The following UBE2G2 variants were observed in gnomAD, a reference collection of about 807,000 sequenced individuals.
UBE2G2 encodes ubiquitin-conjugating enzyme E2 G2.
UBE2G2 carries 10 observed loss-of-function variants against 23.0 expected under a neutral mutation model. The ratio of observed to expected loss-of-function variants is 0.43; its 90% CI spans 0.27 to 0.74. The LOEUF (loss-of-function observed/expected upper bound fraction) is 0.74. Among genes scored for constraint, UBE2G2 ranks in the 30% least tolerant of loss-of-function variants. The pLI, the probability that UBE2G2 is intolerant of heterozygous loss-of-function variation, is 0.19. For synonymous variants in UBE2G2, 86 were observed against 81.3 expected (o/e 1.06, Z -0.31); for missense variants, 150 against 218.3 (o/e 0.69, Z 1.97).
At chr21:44,781,522 G>A (rs1569296136) in intron 3 of UBE2G2, among the ~76,000 whole-genome samples, 1 of 152,224 alleles carries the variant, frequency 6.6e-6, no homozygotes, top group African/African-American at 2.4e-5. Context: ...GGTTGTGCTT[G>A]TGGCTGTGCC....
Position 44,801,784 on chromosome 21 carries a change from A to C in UBE2G2, c.-36T>G. 1.3e-6 allele frequency: 2 copies of C among 1,505,820 alleles called. No individual in the cohort carries two copies. The highest frequency in any genetic ancestry group is 1.8e-6 in the Non-Finnish European group (2 of 1,130,808). 93.3% of individuals were successfully genotyped at this position (1,505,820 alleles called of 1,614,324 possible). A position where few individuals can be genotyped will look rare whatever the true frequency, so the allele number is the denominator to read the frequency against. On this transcript the variant is annotated 5_prime_UTR_variant, in exon 1 of 6. Coordinates refer to ENST00000345496, the MANE Select transcript of UBE2G2 (RefSeq NM_003343.6). Reference sequence around the variant, plus strand: ...CAGCTGCGCCGAGCGACCTCGCCTCAGCCGCGCGCGTGCCTCCTGCCCCGA... The same window carrying C: ...CAGCTGCGCCGAGCGACCTCGCCTCCGCCGCGCGCGTGCCTCCTGCCCCGA...
At chr21:44,776,613 CAT>C (rs782548691) in intron 4 of UBE2G2, among the ~76,000 whole-genome samples, 14 of 152,312 alleles carry the variant, frequency 9.2e-5, no homozygotes, top group South Asian at 6.2e-4. Context: ...ATAATTCCCA[CAT>C]GTCATGGGAG....
rs181130722 is a variant in UBE2G2, at chr21:44,781,230, G to A, written c.126-3813C>T. 2.7e-3 allele frequency among the ~76,000 whole-genome samples: 411 copies of A among 152,330 alleles called. 1 individual carries two copies. The highest frequency in any genetic ancestry group is 9.4e-3 in the African/African-American group (389 of 41,566). ...GCCAGCTGAGCTGGAGACGGGAAGG[G>A]CAAACTGCTTCATGGGCACCCTCCA... is the stretch of plus-strand genomic sequence containing the variant. On this transcript the variant is annotated intron_variant, in intron 3 of 5. Coordinates refer to ENST00000345496, the MANE Select transcript of UBE2G2 (RefSeq NM_003343.6).
intron 4 of UBE2G2, 151 bp downstream of exon 4, chr21:44,777,148 C>A (rs1379249421): frequency 1.5e-6 from 1 of 669,902 alleles, no homozygotes; most frequent in African/African-American, 1.8e-5. Context: ...CTTAATACCA[C>A]CATGCTTACT....
At position 44,771,565 on chromosome 21, in the gene UBE2G2, T is replaced by C; in HGVS notation, c.386-76A>G. The C allele has an allele frequency of 1.1e-5, 16 of 1,446,924 alleles. No individual in the cohort carries two copies. The highest frequency in any genetic ancestry group is 1.5e-5 in the Non-Finnish European group (16 of 1,042,134). The allele number at this position is 1,446,924 out of a possible 1,614,324, so 89.6% of individuals were successfully genotyped here. A position where few individuals can be genotyped will look rare whatever the true frequency, so the allele number is the denominator to read the frequency against. ...CAGCCTGGCAAGGTCTCCCATTTAT[T>C]TAAAACACTGGCGGGGGCTTTCAAG... On this transcript the variant is annotated intron_variant, in intron 5 of 5. Transcript: ENST00000345496. The surrounding 1 kb of genome is among the most constrained non-coding windows in gnomAD (Gnocchi z 4.6).
intron 1 of UBE2G2, among the ~76,000 whole-genome samples, chr21:44,792,835 A>G (rs1198875780): frequency 6.6e-6 from 1 of 152,234 alleles, no homozygotes; most frequent in Non-Finnish European, 1.5e-5. Context: ...GTGTGCTGAC[A>G]CCCAGCAGTG....
intron 3 of UBE2G2, 94 bp from the exon 4 acceptor site, chr21:44,777,511 T>C (rs2082922131): frequency 1.5e-6 from 2 of 1,335,116 alleles, no homozygotes; most frequent in Admixed American, 1.7e-5. Context: ...TTTACCACTT[T>C]AAAAATGCAC....
chr21:44,772,379 C>A lies in UBE2G2; in HGVS notation c.386-890G>T, dbSNP rs1375167139. On this transcript the variant is annotated intron_variant, in intron 5 of 5. Coordinates refer to ENST00000345496, the MANE Select transcript of UBE2G2 (RefSeq NM_003343.6). The surrounding 1 kb of genome is among the most constrained non-coding windows in gnomAD (Gnocchi z 5.4). ...TCACATCCCTCTAGACCCCACTCCA[C>A]GGCACCCAAAGGCTCTGCAGAGAAT... is the stretch of plus-strand genomic sequence containing the variant. Among the ~76,000 whole-genome samples, 1 of 152,122 alleles carries A rather than the reference C, an allele frequency of 6.6e-6. No homozygotes were observed. Among genetic ancestry groups the A allele is most frequent in the African/African-American group, 2.4e-5 (1 of 41,412 alleles).
chr21:44,774,781 C>A, intron 4 of UBE2G2: 1 of 454,530 alleles, frequency 2.2e-6, no homozygotes, highest in Non-Finnish European at 4.4e-6. Context: ...TTTCCCACTT[C>A]TGTGTTGCCT....
In UBE2G2 at chr21:44,780,566, G is replaced by C. The variant is rs116797246; in HGVS notation, c.126-3149C>G. ...TCTTTCGGAGCTGAGCTAAGGACAA[G>C]CATTAGATTAAGCATCATAATGACC... On this transcript the variant is annotated intron_variant, in intron 3 of 5. Coordinates refer to ENST00000345496, the MANE Select transcript of UBE2G2 (RefSeq NM_003343.6). Among the ~76,000 whole-genome samples the C allele has an allele frequency of 2.7e-3, 409 of 152,362 alleles. 8 individuals carry two copies. The highest frequency in any genetic ancestry group is 8.7e-3 in the African/African-American group (360 of 41,588).
At position 44,783,925 on chromosome 21, in the gene UBE2G2, C is replaced by A. The variant is rs1555961614; in HGVS notation, c.125+3995G>T. On this transcript the variant is annotated intron_variant, in intron 3 of 5. Transcript: ENST00000345496. Reference sequence around the variant, plus strand: ...ATCCCAGCACTTTGGGAGGCTGAGGCAGAAGGATTGCTTGAGGCCAGGAGT... The same window carrying A: ...ATCCCAGCACTTTGGGAGGCTGAGGAAGAAGGATTGCTTGAGGCCAGGAGT... Among the ~76,000 whole-genome samples the A allele has an allele frequency of 2.6e-5, 4 of 152,202 alleles. No homozygotes were observed. In the South Asian group the frequency reaches 8.3e-4, roughly 31 times the overall value.
rs896939215 is a variant in UBE2G2, at chr21:44,771,101, G to A, written c.*276C>T. The A allele has an allele frequency of 5.2e-6, 2 of 381,254 alleles. No individual in the cohort carries two copies. Among genetic ancestry groups the A allele is most frequent in the Non-Finnish European group, 4.8e-6 (1 of 208,972 alleles). 23.6% of individuals were successfully genotyped at this position (381,254 alleles called of 1,614,324 possible). ...GAAGCCATGAACTGCTGGTTTCAGC[G>A]GGGAGAGGTAGTGCTGACAGCTCTG... On this transcript the variant is annotated 3_prime_UTR_variant, in exon 6 of 6. Coordinates refer to ENST00000345496, the MANE Select transcript of UBE2G2 (RefSeq NM_003343.6). The surrounding 1 kb of genome is among the most constrained non-coding windows in gnomAD (Gnocchi z 4.6).
rs555104384 is a variant in UBE2G2 at position 44,780,091 on chromosome 21, A to T, written c.126-2674T>A. On this transcript the variant is annotated intron_variant, in intron 3 of 5. Coordinates refer to ENST00000345496, the MANE Select transcript of UBE2G2 (RefSeq NM_003343.6). ...CATAATAGGGCTTTCTTTAAAAAAA[A>T]TTTTTTTTAATCCACCAGGTCGTTC... 3.6e-3 allele frequency among the ~76,000 whole-genome samples: 547 copies of T among 152,234 alleles called. 2 individuals carry two copies. Among genetic ancestry groups the T allele is most frequent in the African/African-American group, 0.011 (469 of 41,542 alleles).
In UBE2G2 at chr21:44,772,612, C is replaced by CT. The variant is rs760561361; in HGVS notation, c.385+934dup. ...CATCTTCACTCTCGTGTCTGACCCC[C>CT]TTTTGTGGATGGAGGCCCCTTGTCC... On this transcript the variant is annotated intron_variant, in intron 5 of 5. Coordinates refer to ENST00000345496, the MANE Select transcript of UBE2G2 (RefSeq NM_003343.6). The surrounding 1 kb of genome is among the most constrained non-coding windows in gnomAD (Gnocchi z 5.4). 4.6e-5 allele frequency among the ~76,000 whole-genome samples: 7 copies of CT among 152,136 alleles called. No individual in the cohort carries two copies. Among genetic ancestry groups the CT allele is most frequent in the Non-Finnish European group, 8.8e-5 (6 of 68,014 alleles).
At position 44,771,187 on chromosome 21, in the gene UBE2G2, C is replaced by T. The variant is rs890803567; in HGVS notation, c.*190G>A. 4.1e-5 allele frequency: 24 copies of T among 582,716 alleles called. No individual in the cohort carries two copies. The Admixed American group carries it at 5.3e-4, about 13-fold the overall frequency. The allele number at this position is 582,716 out of a possible 1,614,324, so 36.1% of individuals were successfully genotyped here. A position where few individuals can be genotyped will look rare whatever the true frequency, so the allele number is the denominator to read the frequency against. On this transcript the variant is annotated 3_prime_UTR_variant, in exon 6 of 6. Coordinates refer to ENST00000345496, the MANE Select transcript of UBE2G2 (RefSeq NM_003343.6). The surrounding 1 kb of genome is among the most constrained non-coding windows in gnomAD (Gnocchi z 4.6). ...AAAACTGCAGTAAGCTGTCAATATT[C>T]GACATTAAGTCATCATTTCAGAAGA...
chr21:44,789,562 G>T (rs548004724), intron 1 of UBE2G2, among the ~76,000 whole-genome samples: 1 of 151,878 alleles, frequency 6.6e-6, no homozygotes, highest in Non-Finnish European at 1.5e-5. Context: ...TGACTCGAGG[G>T]AACACAGAGC....
intron 3 of UBE2G2, among the ~76,000 whole-genome samples, chr21:44,778,130 G>A (rs2082927090): frequency 6.6e-6 from 1 of 152,232 alleles, no homozygotes; most frequent in African/African-American, 2.4e-5. Flanking sequence ...ACGGCACAGG[G>A]TATAGCAAGA....
At chr21:44,786,362 G>C (rs951697327) in intron 3 of UBE2G2, among the ~76,000 whole-genome samples, 4 of 152,088 alleles carry the variant, frequency 2.6e-5, no homozygotes, top group African/African-American at 9.7e-5. Context: ...AACTGCCTTG[G>C]GGGCCACATT....
At chr21:44,795,939 T>C (rs2083085493) in intron 1 of UBE2G2, among the ~76,000 whole-genome samples, 1 of 152,140 alleles carries the variant, frequency 6.6e-6, no homozygotes, top group Admixed American at 6.5e-5. Flanking sequence ...AGCAAGAGAA[T>C]GACAATAAAC....
Sources: gnomAD v4.1 joint callset for allele counts (sites outside exome capture counted in the v4.1 genomes callset) on GRCh38, gnomAD v4.1.1 for gene constraint, Gnocchi (gnomAD v3.1) non-coding constraint, MANE v1.5 for transcripts, NCBI Gene and HGNC (gene_info 2026-07-23, HGNC 2026-07-21) for gene names.